Variants in RBFOX1 observed in about 807,000 individuals in gnomAD.
The protein encoded by RBFOX1 is RNA binding fox-1 homolog 1, also known as RNA binding protein fox-1 homolog 1.
In RBFOX1, 8 loss-of-function variants were observed where a neutral mutation model predicts 57.7. The observed-to-expected ratio is 0.14, with a 90% CI of 0.08 to 0.25. The LOEUF (loss-of-function observed/expected upper bound fraction) is 0.25. RBFOX1 is among the 10% of genes least tolerant of loss of function. RBFOX1 has a pLI of 1.00. For synonymous variants in RBFOX1, 326 were observed against 222.4 expected (o/e 1.47, Z -4.15); for missense variants, 611 against 548.5 (o/e 1.11, Z -1.14).
At chr16:5,615,448 A>G (rs555153996) in intron 3 of RBFOX1, among the ~76,000 whole-genome samples, 30 of 152,306 alleles carry the variant, frequency 2.0e-4, no homozygotes, top group Admixed American at 7.8e-4. Context: ...TGCTCTGAAG[A>G]CAGCTACGTT....
chr16:7,520,325 G>T (rs150620235), intron 5 of RBFOX1, among the ~76,000 whole-genome samples: 2 of 152,084 alleles, frequency 1.3e-5, no homozygotes, highest in African/African-American at 4.8e-5. Context: ...ATAGCATTCA[G>T]TGTATTCACA....
intron 10 of RBFOX1, among the ~76,000 whole-genome samples, chr16:7,622,806 G>T (rs2059512709): frequency 6.6e-6 from 1 of 152,148 alleles, no homozygotes; most frequent in African/African-American, 2.4e-5. Flanking sequence ...CAACATCTGT[G>T]CCCAAATGGA....
rs553570898 is a variant in RBFOX1 at position 5,360,916 on chromosome 16, C to G, written c.220-106300C>G. On this transcript the variant is annotated intron_variant, in intron 1 of 2. Coordinates refer to the RBFOX1 transcript ENST00000585867. ...AGCACAAGCACATCAAGAGGGAGAT[C>G]TAGTGGGAGAAGCCTCCAGTGCCCA... Among the ~76,000 whole-genome samples the G allele has an allele frequency of 3.9e-5, 6 of 152,232 alleles. No individual in the cohort carries two copies. The East Asian group carries it at 7.7e-4, about 20-fold the overall frequency.
At chr16:7,438,046 A>G (rs1598413200) in intron 4 of RBFOX1, among the ~76,000 whole-genome samples, 2 of 152,312 alleles carry the variant, frequency 1.3e-5, no homozygotes, top group East Asian at 3.9e-4. Flanking sequence ...TGTGCGTCTC[A>G]TTGTATTTAA....
At chr16:6,021,354 G>C (rs185298158) in intron 1 of RBFOX1, among the ~76,000 whole-genome samples, 2 of 152,106 alleles carry the variant, frequency 1.3e-5, no homozygotes, top group Non-Finnish European at 2.9e-5. Flanking sequence ...TTACAAAAGA[G>C]AGAAAAAAAA....
intron 3 of RBFOX1, among the ~76,000 whole-genome samples, chr16:6,966,018 A>G (rs74008501): frequency 0.022 from 3,335 of 152,250 alleles, 123 homozygotes; most frequent in African/African-American, 0.076. Flanking sequence ...GTATCATAGA[A>G]AATCGGAGAT....
chr16:7,261,370 A>G (rs74514011), intron 4 of RBFOX1, among the ~76,000 whole-genome samples: 1,777 of 152,324 alleles, frequency 0.012, 39 homozygotes, highest in African/African-American at 0.04. Flanking sequence ...ATGTCCAGAC[A>G]TCAAGGCAGC....
At chr16:6,925,729 A>T (rs2075454411) in intron 3 of RBFOX1, among the ~76,000 whole-genome samples, 1 of 152,166 alleles carries the variant, frequency 6.6e-6, no homozygotes, top group Non-Finnish European at 1.5e-5. Context: ...AGTTGATTTT[A>T]AACACCCAAA....
intron 3 of RBFOX1, among the ~76,000 whole-genome samples, chr16:5,730,883 C>G (rs1329885656): frequency 1.3e-5 from 2 of 152,118 alleles, no homozygotes; most frequent in African/African-American, 4.8e-5. Flanking sequence ...CCACTATTAT[C>G]ATTGCCACTG....
intron 4 of RBFOX1, among the ~76,000 whole-genome samples, chr16:7,334,430 G>T (rs2096748648): frequency 6.6e-6 from 1 of 152,112 alleles, no homozygotes; most frequent in South Asian, 2.1e-4. Flanking sequence ...GCTGCTACTG[G>T]AAACGTGGGG....
intron 2 of RBFOX1, among the ~76,000 whole-genome samples, chr16:5,507,724 A>T (rs2043426644): frequency 6.6e-6 from 1 of 152,190 alleles, no homozygotes; most frequent in East Asian, 1.9e-4. Flanking sequence ...AACTTTGGAA[A>T]CAGACACACA....
intron 1 of RBFOX1, among the ~76,000 whole-genome samples, chr16:5,390,478 G>A (rs975773814): frequency 2.0e-5 from 3 of 151,726 alleles, no homozygotes; most frequent in Non-Finnish European, 4.4e-5. Context: ...TCGTAGAGAC[G>A]GGGTTTCACC....
At chr16:6,875,293 T>C (rs1231532050) in intron 3 of RBFOX1, among the ~76,000 whole-genome samples, 1 of 152,184 alleles carries the variant, frequency 6.6e-6, no homozygotes, top group Non-Finnish European at 1.5e-5. Context: ...TACAACTCGT[T>C]ATGGTGGGGG....
chr16:6,650,807 C>T lies in RBFOX1; in HGVS notation c.-63-3796C>T, dbSNP rs565676222. 5.9e-5 allele frequency among the ~76,000 whole-genome samples: 9 copies of T among 152,194 alleles called. No homozygotes were observed. In the South Asian group the frequency reaches 1.5e-3, roughly 25 times the overall value. ...TATTAACCTTTCCTAATGATGCATC[C>T]GCAGAGAAAACCCCACTGCCTCTTG... is the stretch of plus-strand genomic sequence containing the variant. On this transcript the variant is annotated intron_variant, in intron 2 of 15. Coordinates refer to ENST00000550418, the MANE Select transcript of RBFOX1 (RefSeq NM_018723.4).
intron 2 of RBFOX1, among the ~76,000 whole-genome samples, chr16:6,618,737 T>C (rs915599144): frequency 1.3e-5 from 2 of 152,168 alleles, no homozygotes; most frequent in Non-Finnish European, 2.9e-5. Context: ...CACAGTGTCA[T>C]AAAGCTGGCT....
At chr16:7,697,670 C>T (rs528138517) in intron 14 of RBFOX1, among the ~76,000 whole-genome samples, 1 of 152,294 alleles carries the variant, frequency 6.6e-6, no homozygotes, top group African/African-American at 2.4e-5. Context: ...TGCCCAGTCA[C>T]ACTGGAGTCC....
At chr16:5,819,790 T>A (rs558819744) in intron 3 of RBFOX1, among the ~76,000 whole-genome samples, 23 of 152,360 alleles carry the variant, frequency 1.5e-4, no homozygotes, top group South Asian at 4.1e-4. Flanking sequence ...TTGAGCACTT[T>A]CTTTACATGC....
In RBFOX1 at chr16:5,274,626, A is replaced by G. The variant is rs1186063450; in HGVS notation, c.219+34521A>G. Among the ~76,000 whole-genome samples the G allele has an allele frequency of 2.6e-5, 4 of 152,312 alleles. No individual in the cohort carries two copies. In the East Asian group the frequency reaches 5.8e-4, roughly 22 times the overall value. ...ACGTCTCCTCCCTGGTGAGCAGAAG[A>G]GTTGGCTTTATTGGCAAGACTGAGG... On this transcript the variant is annotated intron_variant, in intron 1 of 2. Coordinates refer to the RBFOX1 transcript ENST00000585867.
intron 1 of RBFOX1, among the ~76,000 whole-genome samples, chr16:6,123,524 T>C (rs927805386): frequency 6.6e-6 from 1 of 152,220 alleles, no homozygotes; most frequent in African/African-American, 2.4e-5. Flanking sequence ...AGTTATTGTT[T>C]AGTGAATTCA....
Sources: gnomAD v4.1 joint callset for allele counts (sites outside exome capture counted in the v4.1 genomes callset) on GRCh38, gnomAD v4.1.1 for gene constraint, MANE v1.5 for transcripts, NCBI Gene and HGNC (gene_info 2026-07-23, HGNC 2026-07-21) for gene names.